The following MTMR12 variants were observed in gnomAD, a reference collection of about 807,000 sequenced individuals.
The protein encoded by MTMR12 is myotubularin-related protein 12.
MTMR12 carries 33 observed loss-of-function variants against 96.7 expected under a neutral mutation model. That is an observed-to-expected ratio of 0.34 (90% CI 0.26 to 0.46). The LOEUF is 0.46. MTMR12 is among the 20% of genes least tolerant of loss of function. The pLI is 1.00. For synonymous variants in MTMR12, 298 were observed against 327.2 expected (o/e 0.91, Z 0.96); for missense variants, 721 against 896.1 (o/e 0.80, Z 2.49).
rs754877236 is a variant in MTMR12, at chr5:32,274,136, A to G, written c.143-14T>C. ...GCAGCTGTTCACCTGGTAGAAACCA[A>G]AACAGGTCCTCCTTAGAGTTCTCAG... On this transcript the variant is annotated splice_polypyrimidine_tract_variant and intron_variant, in intron 2 of 15. Transcript: ENST00000382142. 5.0e-6 allele frequency: 8 copies of G among 1,613,716 alleles called. No individual in the cohort carries two copies. Among genetic ancestry groups the G allele is most frequent in the Non-Finnish European group, 6.8e-6 (8 of 1,179,846 alleles).
At position 32,312,781 on chromosome 5, in the gene MTMR12, A is replaced by C; in HGVS notation, c.58T>G (p.Phe20Val). The C allele has an allele frequency of 6.5e-7, 1 of 1,532,310 alleles. No homozygotes were observed. 94.9% of individuals were successfully genotyped at this position (1,532,310 alleles called of 1,614,324 possible). The change falls in exon 1 of 16, where the codon TTC becomes GTC. Residue 20 changes from phenylalanine (F) to valine (V), a missense_variant. Coordinates refer to ENST00000382142, the MANE Select transcript of MTMR12 (RefSeq NM_001040446.3). The surrounding 1 kb of genome is among the most constrained non-coding windows in gnomAD (Gnocchi z 5.0). ...GGGTKAPKPS[F>V]VSYVRPEEIH... Reference sequence around the variant, plus strand: ...ACCTCAGGGCGTACGTACGACACGAAGGAGGGCTTGGGGGCCTTGGTGCCG... The same window carrying C: ...ACCTCAGGGCGTACGTACGACACGACGGAGGGCTTGGGGGCCTTGGTGCCG...
Position 32,234,572 on chromosome 5 carries a change from C to T in MTMR12, c.1512+390G>A, listed in dbSNP as rs115715201. 4.6e-3 allele frequency among the ~76,000 whole-genome samples: 699 copies of T among 152,274 alleles called. 11 individuals carry two copies. Among genetic ancestry groups the T allele is most frequent in the African/African-American group, 0.016 (678 of 41,550 alleles). ...ACAGCTTTGAATTTTGCTTAATTCC[C>T]CAGCTTCAACACTTGCTTCCAGTTC... is the stretch of plus-strand genomic sequence containing the variant. On this transcript the variant is annotated intron_variant, in intron 14 of 15. Coordinates refer to ENST00000382142, the MANE Select transcript of MTMR12 (RefSeq NM_001040446.3).
At position 32,246,178 on chromosome 5, in the gene MTMR12, T is replaced by TTTTTTGTTTGTTTG. The variant is rs1319590897; in HGVS notation, c.1021+1823_1021+1824insCAAACAAACAAAAA. ...TGCCTATTGAGTAGACAGTTTTTTT[T>TTTTTTGTTTGTTTG]TTTTTTGAGATGGAGTCTTGCTCTG... On this transcript the variant is annotated intron_variant, in intron 10 of 15. Coordinates refer to ENST00000382142, the MANE Select transcript of MTMR12 (RefSeq NM_001040446.3). Among the ~76,000 whole-genome samples, 519 of 150,978 alleles carry TTTTTTGTTTGTTTG rather than the reference T, an allele frequency of 3.4e-3. 8 individuals carry two copies. Among genetic ancestry groups the TTTTTTGTTTGTTTG allele is most frequent in the African/African-American group, 8.5e-3 (351 of 41,132 alleles).
At chr5:32,234,076 C>T in intron 14 of MTMR12, 142 bp from the exon 15 acceptor site, 4 of 992,690 alleles carry the variant, frequency 4.0e-6, no homozygotes, top group Non-Finnish European at 5.9e-6. Context: ...GCTGAGGCTA[C>T]CTGTGGTTAT....
intron 7 of MTMR12, among the ~76,000 whole-genome samples, chr5:32,260,728 GC>G (rs1361841840): frequency 7.9e-5 from 12 of 151,136 alleles, no homozygotes; most frequent in Non-Finnish European, 1.8e-4. Flanking sequence ...GCACTGCAGG[GC>G]GGGGGGGAGG....
chr5:32,305,763 T>A (rs1406834371), intron 1 of MTMR12, among the ~76,000 whole-genome samples: 5 of 151,606 alleles, frequency 3.3e-5, no homozygotes, highest in Non-Finnish European at 7.4e-5. Flanking sequence ...ATTAGCAGAG[T>A]GTAGTGGTGC....
chr5:32,273,884 T>C lies in MTMR12; in HGVS notation c.285+96A>G. On this transcript the variant is annotated intron_variant, in intron 3 of 15. Transcript: ENST00000382142. ...TTCTGTCCTTTGTGTTTATGTGTGT[T>C]AGGGGGTAGAGTAACTGAGAAGCTG... 3 of 1,529,980 alleles carry C rather than the reference T, an allele frequency of 2.0e-6. No individual in the cohort carries two copies. In the South Asian group the frequency reaches 3.6e-5, roughly 19 times the overall value. 94.8% of individuals were successfully genotyped at this position (1,529,980 alleles called of 1,614,324 possible).
chr5:32,231,589 T>G (rs1729090385), intron 15 of MTMR12, among the ~76,000 whole-genome samples: 1 of 152,354 alleles, frequency 6.6e-6, no homozygotes, highest in South Asian at 2.1e-4. Context: ...TCAATGGTTC[T>G]TCCTTGTAAA....
intron 2 of MTMR12, 102 bp downstream of exon 2, chr5:32,276,580 A>G (rs1472345853): frequency 1.0e-6 from 1 of 959,862 alleles, no homozygotes; most frequent in Non-Finnish European, 1.6e-6. Flanking sequence ...TATATGTGAG[A>G]AGATGAAAAC....
At chr5:32,294,318 T>G (rs1454595707) in intron 1 of MTMR12, among the ~76,000 whole-genome samples, 2 of 152,130 alleles carry the variant, frequency 1.3e-5, no homozygotes, top group African/African-American at 4.8e-5. Flanking sequence ...CTTTTTTTTT[T>G]TAAAGACAGA....
intron 10 of MTMR12, among the ~76,000 whole-genome samples, chr5:32,246,093 TA>T (rs1286259319): frequency 6.6e-6 from 1 of 152,044 alleles, no homozygotes; most frequent in African/African-American, 2.4e-5. Context: ...CCCACTTATT[TA>T]AAATTTCTGT....
chr5:32,285,295 T>G (rs148124350), intron 1 of MTMR12, among the ~76,000 whole-genome samples: 2,103 of 151,012 alleles, frequency 0.014, 33 homozygotes, highest in East Asian at 0.07. Flanking sequence ...GAGACGGAGG[T>G]TGCAGTGAGC....
chr5:32,257,164 C>CA (rs944664896), intron 7 of MTMR12, among the ~76,000 whole-genome samples: 2 of 151,816 alleles, frequency 1.3e-5, no homozygotes, highest in Non-Finnish European at 2.9e-5. Flanking sequence ...CCCATCTCCA[C>CA]AAAAAAATTA....
chr5:32,239,224 TAA>T (rs772198132), intron 12 of MTMR12, 51 bp from the exon 13 acceptor site: 1 of 1,481,666 alleles, frequency 6.7e-7, no homozygotes, highest in Non-Finnish European at 9.0e-7. Context: ...CATAAAATGT[TAA>T]AAAGTTTCAG....
intron 3 of MTMR12, among the ~76,000 whole-genome samples, chr5:32,272,975 T>A (rs552642862): frequency 9.2e-5 from 14 of 152,272 alleles, no homozygotes; most frequent in Admixed American, 9.2e-4. Context: ...GGGGCCAGGA[T>A]GTGCCTTGGT....
intron 1 of MTMR12, among the ~76,000 whole-genome samples, chr5:32,298,433 A>C (rs895711286): frequency 6.6e-6 from 1 of 152,216 alleles, no homozygotes; most frequent in Non-Finnish European, 1.5e-5. Flanking sequence ...CTCTGGACTT[A>C]ACATACTGCC....
At chr5:32,276,881 T>A in intron 1 of MTMR12, 139 bp from the exon 2 acceptor site, 3 of 396,714 alleles carry the variant, frequency 7.6e-6, no homozygotes, top group East Asian at 4.7e-5. Flanking sequence ...TACTTTTTTT[T>A]TTTTTTTTTT....
intron 13 of MTMR12, among the ~76,000 whole-genome samples, chr5:32,235,682 C>T (rs11950388): frequency 0.37 from 56,147 of 151,980 alleles, 10,626 homozygotes; most frequent in East Asian, 0.5. Context: ...CAGAAGACAA[C>T]GGGGATGGGA....
intron 13 of MTMR12, among the ~76,000 whole-genome samples, chr5:32,238,791 C>T (rs1215304813): frequency 1.3e-5 from 2 of 152,168 alleles, no homozygotes; most frequent in Admixed American, 1.3e-4. Context: ...TCTGAACATA[C>T]TTGTTAATAT....
Sources: gnomAD v4.1 joint callset for allele counts (sites outside exome capture counted in the v4.1 genomes callset) on GRCh38, gnomAD v4.1.1 for gene constraint, Gnocchi (gnomAD v3.1) non-coding constraint, MANE v1.5 for transcripts, NCBI Gene and HGNC (gene_info 2026-07-23, HGNC 2026-07-21) for gene names.